The following ABI3BP variants were observed in gnomAD, a reference collection of about 807,000 sequenced individuals.
ABI3BP encodes target of Nesh-SH3.
ABI3BP carries 216 observed loss-of-function variants against 268.6 expected under a neutral mutation model. The observed-to-expected ratio is 0.80, with a 90% CI of 0.72 to 0.90. The LOEUF (loss-of-function observed/expected upper bound fraction) is 0.90. Ranked by LOEUF, ABI3BP falls within the 40% of genes least tolerant of loss-of-function variation. The probability of loss-of-function intolerance (pLI) is 0.00; values close to 1 mark genes in which losing one functional copy is unlikely to be tolerated. For synonymous variants in ABI3BP, 730 were observed against 730.0 expected, an observed-to-expected ratio of 1.00 and a Z score of 0.00; for missense variants, 2,090 against 2,182.4, an observed-to-expected ratio of 0.96 and a Z score of 0.84.
chr3:100,990,354 G>A (rs914549942), intron 1 of ABI3BP, among the ~76,000 whole-genome samples: 2 of 152,012 alleles, frequency 1.3e-5, no homozygotes, highest in South Asian at 2.1e-4. Context: ...TTTTACCAAT[G>A]AGAAAACTGA....
At chr3:100,866,606 T>C (rs967066202) in intron 10 of ABI3BP, among the ~76,000 whole-genome samples, 2 of 152,196 alleles carry the variant, frequency 1.3e-5, no homozygotes, top group Non-Finnish European at 2.9e-5. Flanking sequence ...GGTATGATGT[T>C]TTTAATATAA....
In ABI3BP at chr3:100,886,197, G is replaced by A; in HGVS notation, c.588C>T (p.Asp196=). ...TACTCCAAATTCCACCTTCCACATT[G>A]TCTTTCACTCCAAATTCATAAACTG... is the stretch of plus-strand genomic sequence containing the variant. The part of the protein sequence containing the change: ...PNTVYEFGVK[D]NVEGGIWSKI... The change falls in exon 5 of 68, where the codon GAC becomes GAT. Residue 196 remains aspartate (D), a synonymous_variant. Transcript: ENST00000471714. 6.2e-7 allele frequency: 1 copy of A among 1,606,658 alleles called. No individual in the cohort carries two copies. Among genetic ancestry groups the A allele is most frequent in the African/African-American group, 1.3e-5 (1 of 74,574 alleles).
At chr3:100,909,394 A>AG (rs1420863436) in intron 2 of ABI3BP, among the ~76,000 whole-genome samples, 2 of 152,132 alleles carry the variant, frequency 1.3e-5, no homozygotes, top group Non-Finnish European at 2.9e-5. Flanking sequence ...GCAAAAAAAA[A>AG]AAGCCAAAAT....
At chr3:100,771,044 T>TC in intron 61 of ABI3BP, 92 bp from the exon 62 acceptor site, 2 of 1,135,992 alleles carry the variant, frequency 1.8e-6, no homozygotes, top group Non-Finnish European at 2.4e-6. Flanking sequence ...GGACATTTGG[T>TC]CTCATATTAT....
intron 39 of ABI3BP, 112 bp from the exon 40 acceptor site, chr3:100,820,415 G>A (rs1237309859): frequency 2.2e-5 from 18 of 818,344 alleles, no homozygotes; most frequent in Admixed American, 3.3e-5. Flanking sequence ...CATATTTCAG[G>A]AAATTTGTCT....
chr3:100,973,069 C>A (rs1370164713), intron 1 of ABI3BP, among the ~76,000 whole-genome samples: 1 of 152,120 alleles, frequency 6.6e-6, no homozygotes, highest in Non-Finnish European at 1.5e-5. Flanking sequence ...AGTGACTTCA[C>A]TGTTTAAGCA....
rs2095245246 is a variant in ABI3BP, at chr3:100,750,335, CT to C, written c.*159del. On this transcript the variant is annotated 3_prime_UTR_variant, in exon 68 of 68. Coordinates refer to ENST00000471714, the MANE Select transcript of ABI3BP (RefSeq NM_001375547.2). ...ATGACTTTGTAAAACCTGATAAATACTCTCAGCAATCTTTTCTAATAATAAA... is the reference window on the plus strand; with the variant it reads ...ATGACTTTGTAAAACCTGATAAATACCTCAGCAATCTTTTCTAATAATAAA... 4 of 525,960 alleles carry C rather than the reference CT, an allele frequency of 7.6e-6. No homozygotes were observed. The highest frequency in any genetic ancestry group is 1.3e-5 in the Non-Finnish European group (4 of 307,024). The allele number at this position is 525,960 out of a possible 1,614,324, so 32.6% of individuals were successfully genotyped here.
intron 4 of ABI3BP, among the ~76,000 whole-genome samples, chr3:100,889,339 T>G (rs929054704): frequency 8.5e-5 from 13 of 152,146 alleles, no homozygotes; most frequent in African/African-American, 3.1e-4. Context: ...CCTAATCTAA[T>G]GCCTTTTGTA....
chr3:100,874,321 C>G (rs1370384869), intron 9 of ABI3BP, among the ~76,000 whole-genome samples: 4 of 152,180 alleles, frequency 2.6e-5, no homozygotes, highest in Non-Finnish European at 5.9e-5. Flanking sequence ...GCAACCAACT[C>G]AGCCCAGTGA....
intron 1 of ABI3BP, among the ~76,000 whole-genome samples, chr3:100,960,170 G>A (rs2078502656): frequency 6.6e-6 from 1 of 151,914 alleles, no homozygotes; most frequent in African/African-American, 2.4e-5. Context: ...AGATAAAAAA[G>A]GATAAGAATC....
chr3:100,765,154 C>CT (rs1312256452), intron 63 of ABI3BP, among the ~76,000 whole-genome samples: 1 of 148,632 alleles, frequency 6.7e-6, no homozygotes, highest in East Asian at 1.9e-4. Context: ...CTAGAAATGT[C>CT]TAAGACACTT....
At position 100,789,516 on chromosome 3, in the gene ABI3BP, G is replaced by A. The variant is rs374566927; in HGVS notation, c.4025C>T (p.Ala1342Val). 24 of 1,590,050 alleles carry A rather than the reference G, an allele frequency of 1.5e-5. No individual in the cohort carries two copies. In the African/African-American group the frequency reaches 2.6e-4, roughly 17 times the overall value. ...CACAGTAGTATAAAATCTGTGTGGC[G>A]CTGAAACAGAGGAACACTTTATATT... ...RTTELAKTTQ[A>V]PHRFYTTVRP... Residue 1342 changes from alanine to valine, a missense_variant and splice_region_variant, in exon 56 of 68, where the codon GCG becomes GTG. Physicochemically the swap from Ala to Val is moderately conservative, Grantham distance 64. Coordinates refer to ENST00000471714, the MANE Select transcript of ABI3BP (RefSeq NM_001375547.2).
chr3:100,915,741 C>T (rs1035474953), intron 2 of ABI3BP, among the ~76,000 whole-genome samples: 1 of 152,230 alleles, frequency 6.6e-6, no homozygotes, highest in South Asian at 2.1e-4. Flanking sequence ...TTTAAGTGCA[C>T]TGGTCATCCG....
chr3:100,849,472 C>T (rs749360697), intron 17 of ABI3BP, among the ~76,000 whole-genome samples: 18 of 152,134 alleles, frequency 1.2e-4, no homozygotes, highest in Non-Finnish European at 2.4e-4. Context: ...GATCTGCCTG[C>T]CTTGGCCTCC....
chr3:100,834,629 C>G, intron 29 of ABI3BP, 55 bp downstream of exon 29: 1 of 1,493,800 alleles, frequency 6.7e-7, no homozygotes, highest in Non-Finnish European at 9.0e-7. Flanking sequence ...AAACTGCCAC[C>G]CCCATGCCAC....
chr3:100,855,531 G>A (rs935754155), intron 14 of ABI3BP, among the ~76,000 whole-genome samples: 1 of 152,202 alleles, frequency 6.6e-6, no homozygotes, highest in African/African-American at 2.4e-5. Context: ...TGGATACTCA[G>A]CAGAATTAAT....
intron 1 of ABI3BP, among the ~76,000 whole-genome samples, chr3:100,943,288 C>A (rs1360778477): frequency 6.6e-6 from 1 of 152,062 alleles, no homozygotes; most frequent in African/African-American, 2.4e-5. Flanking sequence ...GTCCATCATT[C>A]ATTCCATCTT....
At chr3:100,913,816 A>G (rs2057631922) in intron 2 of ABI3BP, among the ~76,000 whole-genome samples, 1 of 152,202 alleles carries the variant, frequency 6.6e-6, no homozygotes, top group Non-Finnish European at 1.5e-5. Context: ...GAGTATTCCT[A>G]AGCCCCTGAA....
rs5851220 is a variant in ABI3BP at position 100,749,209 on chromosome 3, T to TAAACAAAC, written c.*1278_*1285dup. 1,112 of 105,140 alleles carry TAAACAAAC rather than the reference T, an allele frequency of 0.011. 47 individuals are homozygous for TAAACAAAC. The highest frequency in any genetic ancestry group is 0.091 in the East Asian group (490 of 5,358). The allele number at this position is 105,140 out of a possible 1,614,324, so 6.5% of individuals were successfully genotyped here. A position where few individuals can be genotyped will look rare whatever the true frequency, so the allele number is the denominator to read the frequency against. On this transcript the variant is annotated 3_prime_UTR_variant, in exon 68 of 68. Coordinates refer to ENST00000471714, the MANE Select transcript of ABI3BP (RefSeq NM_001375547.2). ...TAGGATGAAAGGTTAATTTAGGACA[T>TAAACAAAC]AAACAAACAGTAGATATAATGGGGG...
Sources: gnomAD v4.1 joint callset for allele counts (sites outside exome capture counted in the v4.1 genomes callset) on GRCh38, gnomAD v4.1.1 for gene constraint, MANE v1.5 for transcripts, NCBI Gene and HGNC (gene_info 2026-07-23, HGNC 2026-07-21) for gene names.